CSMD3: variants seen among roughly 807,000 people sequenced by gnomAD.
The protein encoded by CSMD3 is CUB and sushi domain-containing protein 3.
Under a neutral mutation model 435.2 loss-of-function variants are expected in CSMD3, and 177 were observed. That is an observed-to-expected ratio of 0.41 (90% CI 0.36 to 0.46). CSMD3 has a LOEUF of 0.46. CSMD3 is among the 20% of genes least tolerant of loss of function. The pLI is 0.34. For missense variants in CSMD3, 4,265 were observed against 4,504.6 expected, an observed-to-expected ratio of 0.95 and a Z score of 1.52; for synonymous variants, 1,656 against 1,520.5, an observed-to-expected ratio of 1.09 and a Z score of -2.07.
chr8:112,805,779 T>C (rs1463906786), intron 12 of CSMD3, among the ~76,000 whole-genome samples: 1 of 152,080 alleles, frequency 6.6e-6, no homozygotes, highest in African/African-American at 2.4e-5. Context: ...TAGAAAGGAG[T>C]TCAGTATTTA....
At chr8:113,404,735 T>G (rs1252532413) in intron 1 of CSMD3, among the ~76,000 whole-genome samples, 1 of 151,296 alleles carries the variant, frequency 6.6e-6, no homozygotes, top group African/African-American at 2.4e-5. Flanking sequence ...AGAATTAAAA[T>G]ATGGCATAAC....
chr8:113,117,223 G>A (rs955819341), intron 4 of CSMD3, among the ~76,000 whole-genome samples: 1 of 152,198 alleles, frequency 6.6e-6, no homozygotes, highest in African/African-American at 2.4e-5. Context: ...TGGGCCCCGG[G>A]CCTTGCTACT....
chr8:112,608,475 C>T (rs1832968949), intron 22 of CSMD3, among the ~76,000 whole-genome samples: 1 of 151,998 alleles, frequency 6.6e-6, no homozygotes, highest in Admixed American at 6.6e-5. Flanking sequence ...ATAGCTAAAG[C>T]AGTCTTGAGC....
intron 22 of CSMD3, 96 bp downstream of exon 22, chr8:112,636,721 G>A: frequency 1.9e-6 from 2 of 1,071,304 alleles, no homozygotes; most frequent in Non-Finnish European, 2.8e-6. Context: ...AATAAATGCA[G>A]AAATTCAACA....
At position 112,265,447 on chromosome 8, in the gene CSMD3, T is replaced by G; in HGVS notation, c.9652A>C (p.Asn3218His). 1.2e-6 allele frequency: 2 copies of G among 1,613,772 alleles called. No individual in the cohort carries two copies. The highest frequency in any genetic ancestry group is 1.7e-6 in the Non-Finnish European group (2 of 1,179,730). The change falls in exon 60 of 71, where the codon AAT becomes CAT. Residue 3218 changes from asparagine (N) to histidine (H), a missense_variant. By Grantham distance (68) the Asn-to-His change is moderately conservative. Around this residue, in one of 3 missense-constraint regions of CSMD3, gnomAD observed 3,255 missense variants for 3,380.2 expected, o/e 0.96. Transcript: ENST00000297405. ...GGCATTACTCCACTCCATGTGCCATTAATTGTACAAGTCCTGATTCTGGAG... is the reference window on the plus strand; with the variant it reads ...GGCATTACTCCACTCCATGTGCCATGAATTGTACAAGTCCTGATTCTGGAG... ...NGSRIRTCTI[N>H]GTWSGVMPTC...
chr8:113,370,450 C>A (rs374495268), intron 1 of CSMD3, among the ~76,000 whole-genome samples: 1 of 150,576 alleles, frequency 6.6e-6, no homozygotes, highest in African/African-American at 2.4e-5. Flanking sequence ...GTAGGATCAA[C>A]GAATTGTTAC....
At chr8:112,286,762 G>A (rs1819245967) in intron 58 of CSMD3, among the ~76,000 whole-genome samples, 1 of 152,004 alleles carries the variant, frequency 6.6e-6, no homozygotes, top group East Asian at 1.9e-4. Flanking sequence ...ATAAAGGAGG[G>A]ACTACTGTAA....
chr8:112,653,237 TA>T (rs2075173353), intron 18 of CSMD3, among the ~76,000 whole-genome samples: 1 of 151,260 alleles, frequency 6.6e-6, no homozygotes, highest in Non-Finnish European at 1.5e-5. Context: ...CTTGTTTTTT[TA>T]AAAAGTAGAA....
chr8:112,408,458 T>C, intron 33 of CSMD3, 45 bp from the exon 34 acceptor site: 1 of 1,129,824 alleles, frequency 8.9e-7, no homozygotes, highest in Non-Finnish European at 1.4e-6. Flanking sequence ...TAATTTTCAT[T>C]CAGTAAACCT....
rs2129839579 is a variant in CSMD3 at position 112,228,871 on chromosome 8, A to T, written c.10849T>A (p.Ser3617Thr). 6.4e-7 allele frequency: 1 copy of T among 1,557,472 alleles called. No individual in the cohort carries two copies. Among genetic ancestry groups the T allele is most frequent in the Non-Finnish European group, 8.9e-7 (1 of 1,129,928 alleles). Residue 3617 changes from serine (S) to threonine (T), a missense_variant, in exon 70 of 71, where the codon TCA (serine) becomes ACA (threonine). By Grantham distance (58) the Ser-to-Thr change is moderately conservative (BLOSUM62 1). This residue lies in a region of CSMD3 where 3,255 missense variants were observed against 3,380.2 expected (regional missense o/e 0.96). Coordinates refer to ENST00000297405, the MANE Select transcript of CSMD3 (RefSeq NM_198123.2). ...CCATGAGGTTGATTTGAAGAATTTG[A>T]ACCTTCTGACATATTCAGTCCTACA... ...QRLGLNMSEGSNSSNQPHGTN... is the reference protein window; with the variant it reads ...QRLGLNMSEGTNSSNQPHGTN...
At chr8:113,423,480 T>C (rs1413986361) in intron 1 of CSMD3, among the ~76,000 whole-genome samples, 3 of 151,980 alleles carry the variant, frequency 2.0e-5, no homozygotes, top group African/African-American at 4.8e-5. Context: ...TACTTTGAAA[T>C]TGAGTTGTAA....
chr8:113,137,895 C>T (rs1242392472), intron 4 of CSMD3, among the ~76,000 whole-genome samples: 2 of 151,456 alleles, frequency 1.3e-5, no homozygotes, highest in African/African-American at 4.8e-5. Context: ...ACATCCAAAC[C>T]CTATAGAATG....
At chr8:112,745,950 TG>T (rs1286819443) in intron 13 of CSMD3, among the ~76,000 whole-genome samples, 1 of 152,180 alleles carries the variant, frequency 6.6e-6, no homozygotes, top group African/African-American at 2.4e-5. Flanking sequence ...GTAATTATTT[TG>T]TTTTTTTGCA....
chr8:112,503,692 T>A lies in CSMD3; in HGVS notation c.5083+98A>T. 3.7e-6 allele frequency: 3 copies of A among 805,166 alleles called. No individual in the cohort carries two copies. The South Asian group carries it at 5.2e-5, about 14-fold the overall frequency. The allele number at this position is 805,166 out of a possible 1,614,324, so 49.9% of individuals were successfully genotyped here. On this transcript the variant is annotated intron_variant, in intron 30 of 70. Coordinates refer to ENST00000297405, the MANE Select transcript of CSMD3 (RefSeq NM_198123.2). ...CATAATCTGCATTTAAAAATACACA[T>A]AAAACTAACCACTAACAATGGGCCA...
At chr8:113,299,978 C>A (rs990612335) in intron 2 of CSMD3, among the ~76,000 whole-genome samples, 2 of 148,178 alleles carry the variant, frequency 1.3e-5, no homozygotes, top group South Asian at 2.1e-4. Flanking sequence ...GGTGACAGAG[C>A]AAGCCTCCAT....
In CSMD3 at chr8:113,265,968, A is replaced by C. The variant is rs2093467147; in HGVS notation, c.514+12624T>G. ...TATTCTTAGAAGTATTTAAGAATGA[A>C]AATCCATTAACTTTTTATGAACCTA... On this transcript the variant is annotated intron_variant, in intron 3 of 70. Transcript: ENST00000297405. Among the ~76,000 whole-genome samples, 2 of 151,560 alleles carry C rather than the reference A, an allele frequency of 1.3e-5. 1 individual carries two copies.
chr8:113,126,744 C>G (rs2091143629), intron 4 of CSMD3, among the ~76,000 whole-genome samples: 1 of 151,784 alleles, frequency 6.6e-6, no homozygotes, highest in Non-Finnish European at 1.5e-5. Flanking sequence ...ATTGACTGTT[C>G]AATTTTCTAC....
chr8:112,371,225 C>G (rs886122750), intron 38 of CSMD3, among the ~76,000 whole-genome samples: 15 of 152,160 alleles, frequency 9.9e-5, no homozygotes, highest in African/African-American at 3.6e-4. Context: ...TCCTCTGAAG[C>G]AAGACTCCTT....
Position 113,348,281 on chromosome 8 carries a change from T to A in CSMD3, c.179-33488A>T, listed in dbSNP as rs7827636. Among the ~76,000 whole-genome samples the A allele has an allele frequency of 7.2e-3, 1,089 of 152,244 alleles. 10 individuals carry two copies. The highest frequency in any genetic ancestry group is 0.025 in the African/African-American group (1,047 of 41,568). On this transcript the variant is annotated intron_variant, in intron 1 of 70. Coordinates refer to ENST00000297405, the MANE Select transcript of CSMD3 (RefSeq NM_198123.2). ...ATAAGTAGTTTTTATCACAGCACTG[T>A]GAGGTACCTGTTACTGTACAGAAAG...
Sources: gnomAD v4.1 joint callset for allele counts (sites outside exome capture counted in the v4.1 genomes callset) on GRCh38, gnomAD v4.1.1 for gene constraint, gnomAD v4.1.1 regional missense constraint, MANE v1.5 for transcripts, NCBI Gene and HGNC (gene_info 2026-07-23, HGNC 2026-07-21) for gene names.